The following BDP1 variants were observed in gnomAD, a reference collection of about 807,000 sequenced individuals.
BDP1 encodes transcription factor TFIIIB component B'' homolog.
In BDP1, 169 loss-of-function variants were observed where a neutral mutation model predicts 266.6. The observed-to-expected ratio is 0.63, with a 90% confidence interval of 0.56 to 0.72. The LOEUF is 0.72. Ranked by LOEUF, BDP1 falls within the 30% of genes least tolerant of loss-of-function variation. The pLI is 0.00. For synonymous variants in BDP1, 1,090 were observed against 1,022.4 expected (o/e 1.07, Z -1.26); for missense variants, 3,015 against 3,053.8 (o/e 0.99, Z 0.30).
At chr5:71,503,593 G>A (rs548459287) in intron 15 of BDP1, among the ~76,000 whole-genome samples, 1 of 152,308 alleles carries the variant, frequency 6.6e-6, no homozygotes, top group East Asian at 1.9e-4. Flanking sequence ...AACAAAGACT[G>A]TGAATTTTAG....
At chr5:71,545,560 GCT>G (rs1037011213) in intron 32 of BDP1, 1 of 258,374 alleles carries the variant, frequency 3.9e-6, no homozygotes, top group Admixed American at 5.6e-5. Context: ...TGAACGCCTG[GCT>G]TCAAGTGATC....
chr5:71,510,920 A>G lies in BDP1; in HGVS notation c.3828A>G (p.Glu1276=). The change falls in exon 17 of 39, where the codon GAA becomes GAG. Residue 1276 remains glutamate (E), a synonymous_variant. Transcript: ENST00000358731. ...EKVSGKMAVV[E]EMEADLKETG... is the part of the protein sequence containing the mutation. ...TATCAGGAAAGATGGCTGTTGTTGAAGAAATGGAGGCAGATTTGAAAGAAA... is the reference window on the plus strand; with the variant it reads ...TATCAGGAAAGATGGCTGTTGTTGAGGAAATGGAGGCAGATTTGAAAGAAA... 1 of 1,613,846 alleles carries G rather than the reference A, an allele frequency of 6.2e-7. No individual in the cohort carries two copies. The highest frequency in any genetic ancestry group is 1.1e-5 in the South Asian group (1 of 91,060).
chr5:71,458,481 G>C, intron 1 of BDP1, 98 bp from the exon 2 acceptor site: 2 of 803,476 alleles, frequency 2.5e-6, no homozygotes, highest in Non-Finnish European at 1.9e-6. Flanking sequence ...TTTTAATTAC[G>C]AGATTGCAGT....
chr5:71,562,839 G>A (rs1027111916), intron 38 of BDP1: 2 of 1,307,080 alleles, frequency 1.5e-6, no homozygotes, highest in South Asian at 1.2e-5. Context: ...TTAAGGAACT[G>A]TAAAACTAGA....
At chr5:71,534,603 C>T (rs1766473872) in intron 26 of BDP1, among the ~76,000 whole-genome samples, 1 of 151,960 alleles carries the variant, frequency 6.6e-6, no homozygotes, top group Admixed American at 6.6e-5. Flanking sequence ...GGGTTCACAC[C>T]ATTCTCCTGC....
intron 7 of BDP1, among the ~76,000 whole-genome samples, chr5:71,482,307 G>C (rs1763012597): frequency 6.6e-6 from 1 of 152,094 alleles, no homozygotes; most frequent in Non-Finnish European, 1.5e-5. Context: ...CCTTTCCTTG[G>C]TTAGGAAATT....
intron 22 of BDP1, 77 bp downstream of exon 22, chr5:71,517,529 A>G: frequency 8.1e-7 from 1 of 1,240,438 alleles, no homozygotes. Flanking sequence ...GACTTTATAT[A>G]TTAATAACTT....
chr5:71,564,871 G>C lies in BDP1; in HGVS notation c.7861G>C (p.Asp2621His). Residue 2621 changes from aspartate (D) to histidine (H), a missense_variant, in exon 39 of 39, where the codon GAT becomes CAT. Coordinates refer to ENST00000358731, the MANE Select transcript of BDP1 (RefSeq NM_018429.3). ...CTTCAATGATATCTTCATTGAAGTG[G>C]ATGAAACAGAATAAAACAATCTTTT... Reference protein sequence around the residue: ...YFFNDIFIEVDETE With the variant: ...YFFNDIFIEVHETE The C allele has an allele frequency of 1.2e-6, 2 of 1,601,322 alleles. No homozygotes were observed. The highest frequency in any genetic ancestry group is 1.7e-6 in the Non-Finnish European group (2 of 1,176,920).
intron 4 of BDP1, 124 bp downstream of exon 4, chr5:71,464,241 A>G: frequency 1.7e-6 from 1 of 606,004 alleles, no homozygotes; most frequent in South Asian, 2.7e-5. Context: ...CACTCCTGTA[A>G]TCTCAGCACT....
chr5:71,476,745 C>G (rs1056267768), intron 7 of BDP1, among the ~76,000 whole-genome samples: 1 of 152,032 alleles, frequency 6.6e-6, no homozygotes, highest in Non-Finnish European at 1.5e-5. Flanking sequence ...GCTCTGTCAC[C>G]CAGGCTGGAG....
Position 71,556,417 on chromosome 5 carries a change from A to G in BDP1, c.7201-469A>G, listed in dbSNP as rs188483441. Among the ~76,000 whole-genome samples, 249 of 152,220 alleles carry G rather than the reference A, an allele frequency of 1.6e-3. 2 individuals are homozygous for G. Among genetic ancestry groups the G allele is most frequent in the Admixed American group, 6.7e-3 (103 of 15,290 alleles). ...GTGGGATGCTAGCTTCTAGATTGCA[A>G]TAGTTATATTTTATAGTGTTAAGAA... On this transcript the variant is annotated intron_variant, in intron 35 of 38. Coordinates refer to ENST00000358731, the MANE Select transcript of BDP1 (RefSeq NM_018429.3).
Position 71,502,717 on chromosome 5 carries a change from G to T in BDP1, c.2167G>T (p.Glu723Ter). Residue 723 changes from glutamate (E) to a stop codon, truncating the protein, a stop_gained, in exon 15 of 39, where the codon GAA becomes TAA. Coordinates refer to ENST00000358731, the MANE Select transcript of BDP1 (RefSeq NM_018429.3). LOFTEE classifies it high-confidence loss of function. Reference protein sequence around the residue: ...PNAGKAAERKEILISQEEIGA... With the variant: ...PNAGKAAERK ...TGCAGGTAAAGCTGCTGAAAGAAAA[G>T]AAATTCTCATATCACAGGAAGAAAT... is the stretch of plus-strand genomic sequence containing the variant. The T allele has an allele frequency of 6.2e-6, 10 of 1,613,952 alleles. No individual in the cohort carries two copies. Among genetic ancestry groups the T allele is most frequent in the Non-Finnish European group, 8.5e-6 (10 of 1,179,978 alleles).
intron 22 of BDP1, among the ~76,000 whole-genome samples, chr5:71,518,374 C>T (rs1346474721): frequency 6.6e-6 from 1 of 152,180 alleles, no homozygotes; most frequent in African/African-American, 2.4e-5. Flanking sequence ...TTAACCCTCT[C>T]TAGTTAGGTG....
Position 71,455,981 on chromosome 5 carries a change from G to C in BDP1, c.104G>C (p.Arg35Thr), listed in dbSNP as rs775127680. Residue 35 changes from arginine to threonine, a missense_variant, in exon 1 of 39, where the codon AGG (arginine) becomes ACG (threonine). Around this residue, in one of 3 missense-constraint regions of BDP1, gnomAD observed 2,383 missense variants for 2,404.9 expected, o/e 0.99. Coordinates refer to ENST00000358731, the MANE Select transcript of BDP1 (RefSeq NM_018429.3). ...CCCCAGCGTGGACGGGAGTCTCCCA[G>C]GCCGCCGGATCCTGCCACGGACTCT... is the stretch of plus-strand genomic sequence containing the variant. ...SNPQRGRESP[R>T]PPDPATDSAS... is the part of the protein sequence containing the mutation. 6.2e-7 allele frequency: 1 copy of C among 1,613,426 alleles called. No homozygotes were observed. Among genetic ancestry groups the C allele is most frequent in the Admixed American group, 1.7e-5 (1 of 59,994 alleles).
chr5:71,521,592 T>C (rs539779636), intron 22 of BDP1, among the ~76,000 whole-genome samples: 82 of 152,282 alleles, frequency 5.4e-4, no homozygotes, highest in African/African-American at 1.9e-3. Context: ...GTGCCTGGTC[T>C]CTATTAGTTT....
chr5:71,541,730 ATTAG>A, intron 29 of BDP1, 48 bp downstream of exon 29: 2 of 1,165,820 alleles, frequency 1.7e-6, no homozygotes, highest in Non-Finnish European at 2.4e-6. Flanking sequence ...CCACCATCAA[ATTAG>A]TTAATAGCTT....
At chr5:71,549,685 C>T in intron 34 of BDP1, 79 bp downstream of exon 34, 3 of 1,163,012 alleles carry the variant, frequency 2.6e-6, no homozygotes, top group Non-Finnish European at 3.5e-6. Flanking sequence ...ACAAACCATT[C>T]ACCAATGTTA....
intron 1 of BDP1, among the ~76,000 whole-genome samples, chr5:71,457,909 A>G (rs751314489): frequency 6.6e-6 from 1 of 152,216 alleles, no homozygotes; most frequent in East Asian, 1.9e-4. Context: ...AAATACTTAT[A>G]TCTGAGGTAT....
Position 71,506,758 on chromosome 5 carries a change from T to TTATATATATATATATATATA in BDP1, c.2372+2011_2372+2030dup, listed in dbSNP as rs67179518. ...GATTTGGTGATGTTTGTTTGGAGGT[T>TTATATATATATATATATATA]TATATATATATATATATATATATTT... On this transcript the variant is annotated intron_variant, in intron 16 of 38. Transcript: ENST00000358731. Among the ~76,000 whole-genome samples the TTATATATATATATATATATA allele has an allele frequency of 1.2e-3, 164 of 135,838 alleles. 1 individual carries two copies. The highest frequency in any genetic ancestry group is 4.4e-3 in the African/African-American group (157 of 35,748). The allele number at this position is 135,838 out of a possible 152,430, so 89.1% of individuals were successfully genotyped here.
Sources: allele counts gnomAD v4.1 joint callset (sites outside exome capture counted in the v4.1 genomes callset), GRCh38; gene constraint gnomAD v4.1.1; regional missense constraint gnomAD v4.1.1; transcripts MANE v1.5; gene names NCBI Gene and HGNC (gene_info 2026-07-23, HGNC 2026-07-21).